Variants in CEP43 observed in about 807,000 individuals in gnomAD.
CEP43 encodes FGFR1 oncogene partner.
Under a neutral mutation model 52.6 loss-of-function variants are expected in CEP43, and 36 were observed. The observed-to-expected ratio is 0.68, with a 90% CI of 0.52 to 0.90. CEP43 has a LOEUF of 0.90. Among genes scored for constraint, CEP43 ranks in the 40% least tolerant of loss-of-function variants. The probability of loss-of-function intolerance (pLI) is 0.00; values close to 1 mark genes in which losing one functional copy is unlikely to be tolerated. For synonymous variants in CEP43, 192 were observed against 172.4 expected (o/e 1.11, Z -0.89); for missense variants, 506 against 472.8 (o/e 1.07, Z -0.65).
rs769538469 is a variant in CEP43, at chr6:167,044,513, G to A, written c.*4535G>A. The A allele has an allele frequency of 6.5e-5, 64 of 985,328 alleles. No individual in the cohort carries two copies. Among genetic ancestry groups the A allele is most frequent in the Non-Finnish European group, 7.6e-5 (63 of 829,938 alleles). The allele number at this position is 985,328 out of a possible 1,614,324, so 61.0% of individuals were successfully genotyped here. On this transcript the variant is annotated 3_prime_UTR_variant, in exon 13 of 13. Coordinates refer to ENST00000366847, the MANE Select transcript of CEP43 (RefSeq NM_007045.4). ...TTGGAAAAGTGTCCTCAGGTTCAAG[G>A]AAACCTGGGTGTGCACCGGGTGAAT...
At chr6:167,012,653 A>G (rs1780010789) in intron 6 of CEP43, among the ~76,000 whole-genome samples, 1 of 152,230 alleles carries the variant, frequency 6.6e-6, no homozygotes, top group Non-Finnish European at 1.5e-5. Context: ...GTATGTCTTC[A>G]GGGTAAAATA....
intron 6 of CEP43, among the ~76,000 whole-genome samples, chr6:167,013,228 G>A (rs1780023140): frequency 6.6e-6 from 1 of 152,224 alleles, no homozygotes; most frequent in Non-Finnish European, 1.5e-5. Flanking sequence ...CTGCTAAAAT[G>A]TAGCATGAAA....
Position 167,040,745 on chromosome 6 carries a change from A to C in CEP43, c.*767A>C, listed in dbSNP as rs775720047. 1 of 531,890 alleles carries C rather than the reference A, an allele frequency of 1.9e-6. No homozygotes were observed. Among genetic ancestry groups the C allele is most frequent in the Non-Finnish European group, 2.4e-6 (1 of 422,886 alleles). The allele number at this position is 531,890 out of a possible 1,614,324, so 32.9% of individuals were successfully genotyped here. A position where few individuals can be genotyped will look rare whatever the true frequency, so the allele number is the denominator to read the frequency against. ...TTTATTATCTGTAAAGATTCCTTGA[A>C]ACTTAAATGCATCTGAAACCATTAA... On this transcript the variant is annotated 3_prime_UTR_variant, in exon 13 of 13. Transcript: ENST00000366847.
intron 11 of CEP43, among the ~76,000 whole-genome samples, chr6:167,032,914 G>A (rs1780501410): frequency 6.6e-6 from 1 of 152,042 alleles, no homozygotes; most frequent in Admixed American, 6.5e-5. Context: ...TAACTGAGAA[G>A]TCATTTAGAA....
At position 167,043,160 on chromosome 6, in the gene CEP43, C is replaced by T. The variant is rs1780734434; in HGVS notation, c.*3182C>T. ...GAGCAGGGCCTCTGAAGGAGGTGCC[C>T]TCTGTGTGGCTCTGCTGTGGTGTTG... On this transcript the variant is annotated 3_prime_UTR_variant, in exon 13 of 13. Transcript: ENST00000366847. 6.6e-6 allele frequency: 1 copy of T among 152,412 alleles called. No homozygotes were observed. The highest frequency in any genetic ancestry group is 2.1e-4 in the South Asian group (1 of 4,832). 9.4% of individuals were successfully genotyped at this position (152,412 alleles called of 1,614,324 possible).
Position 167,049,327 on chromosome 6 carries a change from C to A in CEP43, c.*9349C>A, listed in dbSNP as rs1316615308. The A allele has an allele frequency of 6.6e-6, 1 of 152,228 alleles. No individual in the cohort carries two copies. Among genetic ancestry groups the A allele is most frequent in the Non-Finnish European group, 1.5e-5 (1 of 68,034 alleles). 9.4% of individuals were successfully genotyped at this position (152,228 alleles called of 1,614,324 possible). A position where few individuals can be genotyped will look rare whatever the true frequency, so the allele number is the denominator to read the frequency against. On this transcript the variant is annotated 3_prime_UTR_variant, in exon 13 of 13. Transcript: ENST00000366847. ...ACCACAGTAAATTTTGAAAAATTCA[C>A]CCCAAAAAGAAACCTTGTATCCATT...
intron 10 of CEP43, 145 bp from the exon 11 acceptor site, chr6:167,032,458 A>G: frequency 1.6e-6 from 1 of 607,462 alleles, no homozygotes; most frequent in South Asian, 4.1e-5. Context: ...TTGTCTTCAT[A>G]TTATATATGC....
In CEP43 at chr6:167,040,716, A is replaced by G. The variant is rs1281843765; in HGVS notation, c.*738A>G. On this transcript the variant is annotated 3_prime_UTR_variant, in exon 13 of 13. Transcript: ENST00000366847. ...GCTTTAGTCGTAGGTTCTCTTCATT[A>G]TAATTTATTATCTGTAAAGATTCCT... 9.8e-7 allele frequency: 1 copy of G among 1,016,962 alleles called. No individual in the cohort carries two copies. Among genetic ancestry groups the G allele is most frequent in the Non-Finnish European group, 1.2e-6 (1 of 846,424 alleles). The allele number at this position is 1,016,962 out of a possible 1,614,324, so 63.0% of individuals were successfully genotyped here. A position where few individuals can be genotyped will look rare whatever the true frequency, so the allele number is the denominator to read the frequency against.
intron 8 of CEP43, among the ~76,000 whole-genome samples, chr6:167,023,685 T>G (rs1268241292): frequency 6.6e-6 from 1 of 152,154 alleles, no homozygotes; most frequent in Non-Finnish European, 1.5e-5. Flanking sequence ...CCTGCGCACC[T>G]TGAGGCCAGA....
chr6:167,030,568 G>A (rs2128666479), intron 10 of CEP43, among the ~76,000 whole-genome samples: 1 of 152,236 alleles, frequency 6.6e-6, no homozygotes, highest in Non-Finnish European at 1.5e-5. Context: ...TCATTACTGG[G>A]CAAGGTTTGG....
intron 7 of CEP43, among the ~76,000 whole-genome samples, chr6:167,021,166 G>A (rs148676610): frequency 1.2e-4 from 18 of 152,052 alleles, no homozygotes; most frequent in African/African-American, 3.6e-4. Flanking sequence ...ATTATTCCAC[G>A]GGTATTTTAC....
chr6:167,007,439 T>C (rs1292034580), intron 5 of CEP43, among the ~76,000 whole-genome samples: 1 of 152,192 alleles, frequency 6.6e-6, no homozygotes, highest in Non-Finnish European at 1.5e-5. Context: ...AACCAGTAAG[T>C]TGGGCATCTC....
chr6:167,031,449 G>A (rs73030117), intron 10 of CEP43, among the ~76,000 whole-genome samples: 3,081 of 152,306 alleles, frequency 0.02, 51 homozygotes, highest in East Asian at 0.09. Flanking sequence ...CTTAGTCATT[G>A]CTATACCTCT....
At chr6:167,009,262 C>G (rs1337827058) in intron 5 of CEP43, among the ~76,000 whole-genome samples, 1 of 151,866 alleles carries the variant, frequency 6.6e-6, no homozygotes, top group African/African-American at 2.4e-5. Flanking sequence ...TGCGGTGGCT[C>G]AAACCTGTAA....
In CEP43 at chr6:167,003,512, C is replaced by G. The variant is rs563866266; in HGVS notation, c.212-211C>G. On this transcript the variant is annotated intron_variant, in intron 3 of 12. Coordinates refer to ENST00000366847, the MANE Select transcript of CEP43 (RefSeq NM_007045.4). ...ACACTGAAATCTATGAGATGATTGT[C>G]TTACAGTTAGTTACAGACTGATGAT... 145 of 536,256 alleles carry G rather than the reference C, an allele frequency of 2.7e-4. No homozygotes were observed. In the South Asian group the frequency reaches 3.4e-3, roughly 13 times the overall value. The allele number at this position is 536,256 out of a possible 1,614,324, so 33.2% of individuals were successfully genotyped here. A position where few individuals can be genotyped will look rare whatever the true frequency, so the allele number is the denominator to read the frequency against.
Position 167,022,556 on chromosome 6 carries a change from C to A in CEP43, c.727C>A (p.Leu243Ile). ...TTTAGATGGCAAAGACAAAGCTGGC[C>A]TTTGTCCAGATGAAGATGATATGGA... Reference protein sequence around the residue: ...RTLDGKDKAGLCPDEDDMEGD... With the variant: ...RTLDGKDKAGICPDEDDMEGD... The change falls in exon 8 of 13, where the codon CTT (leucine) becomes ATT (isoleucine). Residue 243 changes from leucine to isoleucine, a missense_variant. Physicochemically the swap from Leu to Ile is conservative, Grantham distance 5. Transcript: ENST00000366847. 6.2e-7 allele frequency: 1 copy of A among 1,614,110 alleles called. No homozygotes were observed. The highest frequency in any genetic ancestry group is 8.5e-7 in the Non-Finnish European group (1 of 1,180,020).
Position 167,032,575 on chromosome 6 carries a change from A to G in CEP43, c.989-28A>G, listed in dbSNP as rs564545587. The G allele has an allele frequency of 4.3e-5, 67 of 1,546,324 alleles. No individual in the cohort carries two copies. The South Asian group carries it at 7.5e-4, about 17-fold the overall frequency. Reference sequence around the variant, plus strand: ...AGGTAAATTGTGACGCACATTAGATATAACATATCTTTTCTTAAACTTATC... The same window carrying G: ...AGGTAAATTGTGACGCACATTAGATGTAACATATCTTTTCTTAAACTTATC... On this transcript the variant is annotated intron_variant, in intron 10 of 12. Coordinates refer to ENST00000366847, the MANE Select transcript of CEP43 (RefSeq NM_007045.4).
chr6:167,035,693 C>A lies in CEP43; in HGVS notation c.1125+1722C>A, dbSNP rs144794176. Among the ~76,000 whole-genome samples, 186 of 152,020 alleles carry A rather than the reference C, an allele frequency of 1.2e-3. 1 individual carries two copies. The highest frequency in any genetic ancestry group is 0.01 in the Middle Eastern group (3 of 294). On this transcript the variant is annotated intron_variant, in intron 12 of 12. Transcript: ENST00000366847. The stretch of plus-strand genomic sequence containing the variant: ...GCCATTCTGCTGCCTCAGCCTCCCG[C>A]GTAGCTGGGACTACAGGCGCCTGCC...
At chr6:167,010,223 A>G (rs945670246) in intron 5 of CEP43, among the ~76,000 whole-genome samples, 1 of 152,250 alleles carries the variant, frequency 6.6e-6, no homozygotes, top group African/African-American at 2.4e-5. Context: ...CCTCCTTGGC[A>G]TTAACCACAG....
Sources: allele counts gnomAD v4.1 joint callset (sites outside exome capture counted in the v4.1 genomes callset), GRCh38; gene constraint gnomAD v4.1.1; transcripts MANE v1.5; gene names NCBI Gene and HGNC (gene_info 2026-07-23, HGNC 2026-07-21).